Variants in RALGAPA2 observed in about 807,000 individuals in gnomAD.
RALGAPA2 encodes the protein Ral GTPase activating protein catalytic subunit alpha 2, also known as ral GTPase-activating protein subunit alpha-2.
In RALGAPA2, 139 loss-of-function variants were observed where a neutral mutation model predicts 230.4. The ratio of observed to expected loss-of-function variants is 0.60; its 90% CI spans 0.53 to 0.69. The LOEUF is 0.69. Ranked by LOEUF, RALGAPA2 falls within the 30% of genes least tolerant of loss-of-function variation. RALGAPA2 has a pLI of 0.00. For missense variants in RALGAPA2, 2,163 were observed against 2,276.0 expected, an observed-to-expected ratio of 0.95 and a Z score of 1.01; for synonymous variants, 847 against 837.8, an observed-to-expected ratio of 1.01 and a Z score of -0.19.
chr20:20,537,626 A>C (rs2063531877), intron 24 of RALGAPA2, among the ~76,000 whole-genome samples: 1 of 151,310 alleles, frequency 6.6e-6, no homozygotes, highest in Non-Finnish European at 1.5e-5. Flanking sequence ...TCTCAAAAAA[A>C]AAAAAAAAAA....
At chr20:20,559,775 T>C (rs867148136) in intron 23 of RALGAPA2, among the ~76,000 whole-genome samples, 9 of 152,252 alleles carry the variant, frequency 5.9e-5, no homozygotes, top group Middle Eastern at 3.4e-3. Flanking sequence ...ACTAATTTGA[T>C]AGCTGAACTT....
In RALGAPA2 at chr20:20,392,883, C is replaced by T. The variant is rs1237553192; in HGVS notation, c.*406G>A. 1 of 315,542 alleles carries T rather than the reference C, an allele frequency of 3.2e-6. No individual in the cohort carries two copies. Among genetic ancestry groups the T allele is most frequent in the African/African-American group, 2.2e-5 (1 of 44,632 alleles). 19.5% of individuals were successfully genotyped at this position (315,542 alleles called of 1,614,324 possible). A position where few individuals can be genotyped will look rare whatever the true frequency, so the allele number is the denominator to read the frequency against. ...GCAGAAGCAAGCTGCCCTCTGCCCC[C>T]TCCCTGAAAGCGCAGAATCTTTTCC... On this transcript the variant is annotated 3_prime_UTR_variant, in exon 40 of 40. Coordinates refer to ENST00000202677, the MANE Select transcript of RALGAPA2 (RefSeq NM_020343.4).
chr20:20,425,173 C>T (rs1221093693), intron 37 of RALGAPA2, among the ~76,000 whole-genome samples: 4 of 152,286 alleles, frequency 2.6e-5, no homozygotes, highest in Non-Finnish European at 5.9e-5. Flanking sequence ...AAGAAAACAT[C>T]TATAGCAGAT....
chr20:20,479,459 C>T (rs187731954), intron 36 of RALGAPA2, among the ~76,000 whole-genome samples: 1 of 152,218 alleles, frequency 6.6e-6, no homozygotes, highest in East Asian at 1.9e-4. Context: ...TCGGGTATAT[C>T]CCAAGAATAC....
chr20:20,459,472 A>T (rs1267179329), intron 37 of RALGAPA2, among the ~76,000 whole-genome samples: 1 of 151,020 alleles, frequency 6.6e-6, no homozygotes, highest in Non-Finnish European at 1.5e-5. Context: ...AATAAGAAAA[A>T]GCCTGCAGGC....
chr20:20,417,414 GC>G (rs2060188292), intron 37 of RALGAPA2, among the ~76,000 whole-genome samples: 1 of 152,212 alleles, frequency 6.6e-6, no homozygotes, highest in African/African-American at 2.4e-5. Context: ...GTGGCTGTCT[GC>G]ATTCACGGGG....
chr20:20,442,959 A>G (rs1396758654), intron 37 of RALGAPA2, among the ~76,000 whole-genome samples: 2 of 152,220 alleles, frequency 1.3e-5, no homozygotes, highest in Non-Finnish European at 2.9e-5. Context: ...AAAGATGAAG[A>G]GACAAAAGAT....
intron 23 of RALGAPA2, among the ~76,000 whole-genome samples, chr20:20,547,869 C>T (rs186112699): frequency 1.3e-5 from 2 of 152,260 alleles, no homozygotes; most frequent in East Asian, 1.9e-4. Context: ...TACTACACAT[C>T]CAGGATACAA....
intron 24 of RALGAPA2, among the ~76,000 whole-genome samples, chr20:20,540,293 C>A (rs1241553724): frequency 6.6e-6 from 1 of 152,170 alleles, no homozygotes; most frequent in African/African-American, 2.4e-5. Context: ...AGTACCCAAC[C>A]ATTCACTAAC....
At chr20:20,694,491 G>A (rs1191006176) in intron 1 of RALGAPA2, among the ~76,000 whole-genome samples, 1 of 152,188 alleles carries the variant, frequency 6.6e-6, no homozygotes, top group Non-Finnish European at 1.5e-5. Flanking sequence ...CATCTCTGCT[G>A]TGTCCCTAAC....
intron 36 of RALGAPA2, among the ~76,000 whole-genome samples, chr20:20,489,634 A>T (rs2062000389): frequency 6.6e-6 from 1 of 152,096 alleles, no homozygotes; most frequent in African/African-American, 2.4e-5. Flanking sequence ...AGCATAGAAA[A>T]TACTACTGTA....
intron 5 of RALGAPA2, among the ~76,000 whole-genome samples, chr20:20,643,229 C>T (rs1464464935): frequency 6.6e-6 from 1 of 152,186 alleles, no homozygotes; most frequent in Non-Finnish European, 1.5e-5. Flanking sequence ...GTGCCTTGCC[C>T]ATGGTCCCTA....
At chr20:20,458,607 G>C (rs2061196246) in intron 37 of RALGAPA2, among the ~76,000 whole-genome samples, 1 of 133,480 alleles carries the variant, frequency 7.5e-6, no homozygotes, top group Non-Finnish European at 1.6e-5. Flanking sequence ...TATATGAGCT[G>C]TACTAAGCTG....
In RALGAPA2 at chr20:20,552,943, A is replaced by AAAAACAAAAC. The variant is rs371187764; in HGVS notation, c.3157-6121_3157-6112dup. Among the ~76,000 whole-genome samples, 621 of 152,100 alleles carry AAAAACAAAAC rather than the reference A, an allele frequency of 4.1e-3. 4 individuals are homozygous for AAAAACAAAAC. The highest frequency in any genetic ancestry group is 0.012 in the African/African-American group (497 of 41,488). On this transcript the variant is annotated intron_variant, in intron 23 of 39. Transcript: ENST00000202677. ...ATAAATCAAATCAACACGGCCCTTT[A>AAAAACAAAAC]AAAACAAAACAAAACAAAACAAAAC...
rs542882933 is a variant in RALGAPA2 at position 20,499,676 on chromosome 20, C to T, written c.5208+3675G>A. Among the ~76,000 whole-genome samples the T allele has an allele frequency of 7.9e-5, 12 of 152,302 alleles. No homozygotes were observed. In the South Asian group the frequency reaches 2.3e-3, roughly 29 times the overall value. ...GTGGTCAGCGCTTCTGGCTGTAGTA[C>T]TGCCACCCCCAGGAGGTCATTATAG... On this transcript the variant is annotated intron_variant, in intron 35 of 39. Transcript: ENST00000202677.
intron 3 of RALGAPA2, among the ~76,000 whole-genome samples, chr20:20,662,891 G>T (rs1056123388): frequency 1.2e-4 from 19 of 152,224 alleles, no homozygotes; most frequent in Non-Finnish European, 4.4e-5. Context: ...GCCAGGCAAG[G>T]AAGAGCATTT....
At chr20:20,631,274 T>C (rs1404748095) in intron 9 of RALGAPA2, among the ~76,000 whole-genome samples, 1 of 152,248 alleles carries the variant, frequency 6.6e-6, no homozygotes, top group East Asian at 1.9e-4. Flanking sequence ...AACGAAGTCA[T>C]CTTGGACCTT....
chr20:20,559,257 C>T (rs951699111), intron 23 of RALGAPA2, among the ~76,000 whole-genome samples: 1 of 152,200 alleles, frequency 6.6e-6, no homozygotes, highest in Non-Finnish European at 1.5e-5. Context: ...TTTTGGGACT[C>T]TACCGACCAA....
At chr20:20,434,281 T>C (rs1480505267) in intron 37 of RALGAPA2, among the ~76,000 whole-genome samples, 1 of 152,192 alleles carries the variant, frequency 6.6e-6, no homozygotes, top group Non-Finnish European at 1.5e-5. Flanking sequence ...GTAGTTCCTC[T>C]GTGGGGGTCC....
Sources: gnomAD v4.1 joint callset for allele counts (sites outside exome capture counted in the v4.1 genomes callset) on GRCh38, gnomAD v4.1.1 for gene constraint, MANE v1.5 for transcripts, NCBI Gene and HGNC (gene_info 2026-07-23, HGNC 2026-07-21) for gene names.